Variants in BACH2 observed in about 807,000 individuals in gnomAD.
BACH2 encodes the protein BACH transcriptional regulator 2.
Under a neutral mutation model 61.8 loss-of-function variants are expected in BACH2, and 5 were observed. The ratio of observed to expected loss-of-function variants is 0.08; its 90% confidence interval spans 0.04 to 0.17. BACH2 has a LOEUF of 0.17. BACH2 is among the 10% of genes least tolerant of loss of function. BACH2 has a pLI of 1.00. For synonymous variants in BACH2, 446 were observed against 440.1 expected, an observed-to-expected ratio of 1.01 and a Z score of -0.17; for missense variants, 824 against 1,091.1, an observed-to-expected ratio of 0.76 and a Z score of 3.45.
At chr6:90,285,931 C>T (rs1471854344) in intron 1 of BACH2, among the ~76,000 whole-genome samples, 18 of 152,180 alleles carry the variant, frequency 1.2e-4, no homozygotes, top group Admixed American at 1.1e-3. Context: ...AATTAGCAAA[C>T]GGGAACCTCT....
At chr6:90,284,517 T>G (rs1386021669) in intron 1 of BACH2, among the ~76,000 whole-genome samples, 1 of 152,188 alleles carries the variant, frequency 6.6e-6, no homozygotes, top group Non-Finnish European at 1.5e-5. Context: ...GCACCAGTAT[T>G]TTCCTTTCTG....
chr6:90,193,032 C>T (rs1181870394), intron 4 of BACH2, among the ~76,000 whole-genome samples: 3 of 152,164 alleles, frequency 2.0e-5, no homozygotes, highest in Non-Finnish European at 4.4e-5. Context: ...CTATTCAGCA[C>T]GGGACTACAT....
intron 4 of BACH2, among the ~76,000 whole-genome samples, chr6:90,113,426 A>G (rs1783261618): frequency 6.6e-6 from 1 of 152,238 alleles, no homozygotes; most frequent in Non-Finnish European, 1.5e-5. Context: ...ATAGAAGTCA[A>G]CACAATGAAA....
At chr6:90,140,978 T>G (rs185719075) in intron 4 of BACH2, among the ~76,000 whole-genome samples, 1 of 152,148 alleles carries the variant, frequency 6.6e-6, no homozygotes, top group Non-Finnish European at 1.5e-5. Flanking sequence ...TTACTTATCA[T>G]AGTAAGGAAA....
chr6:90,164,006 T>C (rs1037159078), intron 4 of BACH2, among the ~76,000 whole-genome samples: 1 of 152,046 alleles, frequency 6.6e-6, no homozygotes, highest in Non-Finnish European at 1.5e-5. Context: ...TTAAAAGAAC[T>C]AGAGAAGCAA....
intron 3 of BACH2, among the ~76,000 whole-genome samples, chr6:90,245,945 G>A (rs1386916516): frequency 6.6e-6 from 1 of 152,236 alleles, no homozygotes; most frequent in Non-Finnish European, 1.5e-5. Context: ...GGCTGGCAGT[G>A]CCAGAGGAAT....
intron 3 of BACH2, among the ~76,000 whole-genome samples, chr6:90,215,320 T>A (rs1213886993): frequency 6.6e-6 from 1 of 152,138 alleles, no homozygotes; most frequent in Non-Finnish European, 1.5e-5. Context: ...ACACACAGAC[T>A]TAAAGCCCCA....
chr6:90,009,680 TGA>T (rs1777602701), intron 5 of BACH2, among the ~76,000 whole-genome samples: 1 of 152,242 alleles, frequency 6.6e-6, no homozygotes, highest in Non-Finnish European at 1.5e-5. Flanking sequence ...TTCTTTTTTT[TGA>T]GAGGGAGTTT....
chr6:90,229,612 G>A (rs572824882), intron 3 of BACH2, among the ~76,000 whole-genome samples: 3 of 152,284 alleles, frequency 2.0e-5, no homozygotes, highest in East Asian at 3.9e-4. Flanking sequence ...GAAAAAGCAC[G>A]ATAACTTACA....
At chr6:90,291,882 T>G (rs934625485) in intron 1 of BACH2, among the ~76,000 whole-genome samples, 1 of 152,198 alleles carries the variant, frequency 6.6e-6, no homozygotes, top group Non-Finnish European at 1.5e-5. Flanking sequence ...ATTCCAATTT[T>G]TGCAACCAGC....
At chr6:90,192,230 C>G (rs1768599261) in intron 4 of BACH2, among the ~76,000 whole-genome samples, 2 of 152,022 alleles carry the variant, frequency 1.3e-5, no homozygotes, top group Non-Finnish European at 2.9e-5. Context: ...TGCTATCACT[C>G]TCTTTTTCAT....
intron 5 of BACH2, among the ~76,000 whole-genome samples, chr6:90,023,720 G>A (rs1031441875): frequency 3.3e-5 from 5 of 152,076 alleles, no homozygotes; most frequent in Non-Finnish European, 7.4e-5. Flanking sequence ...GAGCCCTCAC[G>A]AATGGGATTA....
intron 5 of BACH2, among the ~76,000 whole-genome samples, chr6:90,048,133 T>TA (rs34006395): frequency 3.3e-5 from 5 of 152,150 alleles, no homozygotes; most frequent in African/African-American, 1.2e-4. Context: ...ATTTTTTTTT[T>TA]ATTTATATAT....
chr6:90,274,417 C>A (rs1231263297), intron 1 of BACH2, among the ~76,000 whole-genome samples: 2 of 152,144 alleles, frequency 1.3e-5, no homozygotes, highest in Non-Finnish European at 2.9e-5. Flanking sequence ...TTAATCACAA[C>A]CTTAGTCATA....
intron 4 of BACH2, among the ~76,000 whole-genome samples, chr6:90,132,379 C>G (rs1263632718): frequency 1.3e-5 from 2 of 152,198 alleles, no homozygotes; most frequent in Non-Finnish European, 2.9e-5. Context: ...GCCTGGGTTA[C>G]ATACCAGCCA....
chr6:89,964,004 C>G (rs139371585), intron 6 of BACH2, among the ~76,000 whole-genome samples: 10 of 152,118 alleles, frequency 6.6e-5, no homozygotes, highest in African/African-American at 2.4e-4. Context: ...GAAAAGTAGT[C>G]ACATTCTCAC....
rs373156601 is a variant in BACH2 at position 90,191,661 on chromosome 6, T to C, written c.-162+14908A>G. 1.5e-3 allele frequency among the ~76,000 whole-genome samples: 222 copies of C among 152,288 alleles called. 6 individuals carry two copies. Among genetic ancestry groups the C allele is most frequent in the African/African-American group, 5.2e-3 (217 of 41,556 alleles). The stretch of plus-strand genomic sequence containing the variant: ...GGCTCATTACTTAAGGGTCTCTGCG[T>C]TTCCCCATCTGTAAAGTGGGAATAA... On this transcript the variant is annotated intron_variant, in intron 4 of 8. Transcript: ENST00000257749.
intron 6 of BACH2, among the ~76,000 whole-genome samples, chr6:89,967,759 A>G (rs1160145073): frequency 6.6e-6 from 1 of 152,156 alleles, no homozygotes; most frequent in African/African-American, 2.4e-5. Flanking sequence ...GGGAAAACTA[A>G]TACTGCTTTT....
intron 6 of BACH2, among the ~76,000 whole-genome samples, chr6:89,964,095 T>C (rs756255765): frequency 2.6e-5 from 4 of 151,626 alleles, no homozygotes; most frequent in African/African-American, 4.8e-5. Context: ...TCGGGAGATA[T>C]ACCTAATGCT....
Sources: gnomAD v4.1 joint callset for allele counts (sites outside exome capture counted in the v4.1 genomes callset) on GRCh38, gnomAD v4.1.1 for gene constraint, MANE v1.5 for transcripts, NCBI Gene and HGNC (gene_info 2026-07-23, HGNC 2026-07-21) for gene names.